CNTN5: variants seen among roughly 807,000 people sequenced by gnomAD.
CNTN5 encodes the protein contactin-5.
CNTN5 carries 77 observed loss-of-function variants against 129.1 expected under a neutral mutation model. The ratio of observed to expected loss-of-function variants is 0.60; its 90% CI spans 0.50 to 0.72. The LOEUF is 0.72. Ranked by LOEUF, CNTN5 falls within the 30% of genes least tolerant of loss-of-function variation. The pLI is 0.00. For synonymous variants in CNTN5, 509 were observed against 465.6 expected, an observed-to-expected ratio of 1.09 and a Z score of -1.20; for missense variants, 1,478 against 1,328.8, an observed-to-expected ratio of 1.11 and a Z score of -1.75.
At chr11:100,206,505 G>T (rs907998043) in intron 15 of CNTN5, among the ~76,000 whole-genome samples, 2 of 152,048 alleles carry the variant, frequency 1.3e-5, no homozygotes, top group Admixed American at 6.6e-5. Context: ...TTAAATCCAG[G>T]GATAAACTAT....
chr11:99,357,484 C>G (rs1938760764), intron 2 of CNTN5, among the ~76,000 whole-genome samples: 3 of 151,930 alleles, frequency 2.0e-5, no homozygotes. Context: ...ACGCTCCTCC[C>G]CACCCCCACC....
intron 13 of CNTN5, among the ~76,000 whole-genome samples, chr11:100,184,488 C>A (rs1190604616): frequency 1.1e-4 from 16 of 152,152 alleles, no homozygotes; most frequent in Non-Finnish European, 2.2e-4. Flanking sequence ...ATGCAAGTGG[C>A]TTCCAGAAGC....
intron 2 of CNTN5, among the ~76,000 whole-genome samples, chr11:99,528,066 C>A (rs1466134608): frequency 1.3e-5 from 2 of 152,124 alleles, no homozygotes; most frequent in African/African-American, 4.8e-5. Flanking sequence ...TATAAAAATA[C>A]TATTGGAAAG....
intron 13 of CNTN5, among the ~76,000 whole-genome samples, chr11:100,100,044 G>C (rs1267715983): frequency 6.6e-6 from 1 of 152,020 alleles, no homozygotes; most frequent in Non-Finnish European, 1.5e-5. Context: ...TTATCCATTT[G>C]CTGCATTTTT....
At chr11:99,686,585 C>T (rs905197690) in intron 3 of CNTN5, among the ~76,000 whole-genome samples, 11 of 151,864 alleles carry the variant, frequency 7.2e-5, no homozygotes, top group East Asian at 1.9e-4. Context: ...GTTTTTTTTC[C>T]GGAACTTTTA....
At chr11:99,895,955 G>T (rs1565650630) in intron 6 of CNTN5, among the ~76,000 whole-genome samples, 1 of 152,156 alleles carries the variant, frequency 6.6e-6, no homozygotes, top group Non-Finnish European at 1.5e-5. Context: ...CCTTGCCTCT[G>T]CAGCTCCTTA....
intron 18 of CNTN5, among the ~76,000 whole-genome samples, chr11:100,276,070 A>T (rs1950503546): frequency 6.6e-6 from 1 of 152,194 alleles, no homozygotes; most frequent in Non-Finnish European, 1.5e-5. Context: ...CACATTAGGG[A>T]TGTTGAATTG....
At chr11:99,882,919 T>G (rs1948809552) in intron 6 of CNTN5, among the ~76,000 whole-genome samples, 1 of 152,180 alleles carries the variant, frequency 6.6e-6, no homozygotes, top group Non-Finnish European at 1.5e-5. Context: ...ATCTTCATGA[T>G]TTCAATTGTT....
At chr11:99,590,582 G>A (rs1949947481) in intron 3 of CNTN5, among the ~76,000 whole-genome samples, 1 of 152,314 alleles carries the variant, frequency 6.6e-6, no homozygotes, top group East Asian at 1.9e-4. Flanking sequence ...TTAGATCTCT[G>A]TACAAATTAT....
At chr11:99,793,357 C>A (rs1158910527) in intron 3 of CNTN5, among the ~76,000 whole-genome samples, 2 of 152,034 alleles carry the variant, frequency 1.3e-5, no homozygotes, top group African/African-American at 4.8e-5. Flanking sequence ...CTGTGCCCGG[C>A]TCTATCTTCT....
chr11:99,997,044 C>T (rs1253888047), intron 8 of CNTN5, among the ~76,000 whole-genome samples: 1 of 152,176 alleles, frequency 6.6e-6, no homozygotes, highest in Non-Finnish European at 1.5e-5. Flanking sequence ...CAAAACTAAT[C>T]ATACCTTGAC....
chr11:100,297,563 A>T (rs1951122583), intron 18 of CNTN5, 62 bp from the exon 19 acceptor site: 6 of 1,233,436 alleles, frequency 4.9e-6, no homozygotes, highest in Non-Finnish European at 5.8e-6. Context: ...TTATCTCAGG[A>T]TTTTATCCAA....
At chr11:100,004,974 G>T (rs1053978583) in intron 9 of CNTN5, among the ~76,000 whole-genome samples, 12 of 152,294 alleles carry the variant, frequency 7.9e-5, no homozygotes, top group Admixed American at 7.9e-4. Flanking sequence ...GGATGCAATT[G>T]TCAGTTCACA....
chr11:100,201,250 G>C (rs1037130610), intron 15 of CNTN5, among the ~76,000 whole-genome samples: 4 of 151,704 alleles, frequency 2.6e-5, no homozygotes, highest in African/African-American at 9.7e-5. Flanking sequence ...AATTTCTATT[G>C]ATTATCCTGT....
chr11:99,682,729 C>T lies in CNTN5; in HGVS notation c.55+126460C>T, dbSNP rs190286878. On this transcript the variant is annotated intron_variant, in intron 3 of 24. Coordinates refer to ENST00000524871, the MANE Select transcript of CNTN5 (RefSeq NM_014361.4). ...CAGACCCATCTAAAATACAGTCATT[C>T]CAAAAAGTTAAATGAATGGAAAAAA... is the stretch of plus-strand genomic sequence containing the variant. Among the ~76,000 whole-genome samples the T allele has an allele frequency of 3.1e-4, 47 of 151,710 alleles. 1 individual carries two copies. Among genetic ancestry groups the T allele is most frequent in the African/African-American group, 1.1e-3 (45 of 41,376 alleles).
chr11:100,052,340 C>T (rs1023185679), intron 9 of CNTN5, among the ~76,000 whole-genome samples: 3 of 151,582 alleles, frequency 2.0e-5, no homozygotes, highest in Non-Finnish European at 3.0e-5. Context: ...TAACGGGAGA[C>T]CTGGACAGTA....
chr11:99,059,895 T>C (rs1393512063), intron 1 of CNTN5, among the ~76,000 whole-genome samples: 1 of 152,062 alleles, frequency 6.6e-6, no homozygotes, highest in Non-Finnish European at 1.5e-5. Context: ...ATTGTAATAA[T>C]TGCTCATAAA....
intron 2 of CNTN5, among the ~76,000 whole-genome samples, chr11:99,392,716 G>A (rs964401399): frequency 6.6e-6 from 1 of 151,768 alleles, no homozygotes; most frequent in Non-Finnish European, 1.5e-5. Context: ...ATGGTAAAAA[G>A]CAAATAAATA....
chr11:100,309,036 T>C lies in CNTN5; in HGVS notation c.2730+568T>C, dbSNP rs375316718. On this transcript the variant is annotated intron_variant, in intron 21 of 24. Transcript: ENST00000524871. The stretch of plus-strand genomic sequence containing the variant: ...ATGAAATTTTAGCCTCCGCAGAGAA[T>C]AGCAGATTGTGAGTAGTCTGTGAAC... The C allele has an allele frequency of 3.9e-3, 3,852 of 985,084 alleles. 7 individuals carry two copies. Among genetic ancestry groups the C allele is most frequent in the Non-Finnish European group, 4.3e-3 (3,575 of 829,728 alleles). 61.0% of individuals were successfully genotyped at this position (985,084 alleles called of 1,614,324 possible).
Sources: gnomAD v4.1 joint callset for allele counts (sites outside exome capture counted in the v4.1 genomes callset) on GRCh38, gnomAD v4.1.1 for gene constraint, MANE v1.5 for transcripts, NCBI Gene and HGNC (gene_info 2026-07-23, HGNC 2026-07-21) for gene names.